Variants in TDRP observed in about 807,000 individuals in gnomAD.
The protein encoded by TDRP is testis development-related protein.
Under a neutral mutation model 10.5 loss-of-function variants are expected in TDRP, and 12 were observed. The observed-to-expected ratio is 1.15, with a 90% CI of 0.73 to 1.86. The LOEUF (loss-of-function observed/expected upper bound fraction) is 1.86. Ranked by LOEUF, TDRP falls within the 40% of genes most tolerant of loss-of-function variation. TDRP has a pLI of 0.00. For missense variants in TDRP, 353 were observed against 229.2 expected, an observed-to-expected ratio of 1.54 and a Z score of -3.49; for synonymous variants, 139 against 95.4, an observed-to-expected ratio of 1.46 and a Z score of -2.67.
chr8:524,321 A>C (rs931075094), intron 1 of TDRP, among the ~76,000 whole-genome samples: 2 of 152,196 alleles, frequency 1.3e-5, no homozygotes, highest in Admixed American at 1.3e-4. Flanking sequence ...CTTTCCCAAG[A>C]AGGATGGGTA....
chr8:498,633 G>T (rs1249034785), intron 1 of TDRP, among the ~76,000 whole-genome samples: 1 of 152,114 alleles, frequency 6.6e-6, no homozygotes, highest in Non-Finnish European at 1.5e-5. Context: ...AGATTTTGGG[G>T]GATTGTTGGG....
At chr8:501,291 T>G (rs1383058736) in intron 1 of TDRP, among the ~76,000 whole-genome samples, 1 of 152,130 alleles carries the variant, frequency 6.6e-6, no homozygotes, top group East Asian at 1.9e-4. Flanking sequence ...ACCAGTTCAG[T>G]CCAGAGTCCA....
At chr8:529,580 G>GT (rs35378683) in intron 1 of TDRP, among the ~76,000 whole-genome samples, 3 of 151,516 alleles carry the variant, frequency 2.0e-5, no homozygotes, top group African/African-American at 7.3e-5. Flanking sequence ...TTTGGCTTTG[G>GT]TTATCTGGGA....
At chr8:505,991 G>T (rs558630830) in intron 1 of TDRP, among the ~76,000 whole-genome samples, 2 of 152,242 alleles carry the variant, frequency 1.3e-5, no homozygotes, top group South Asian at 2.1e-4. Context: ...GGAAATGTGG[G>T]CATGGACATC....
intron 1 of TDRP, among the ~76,000 whole-genome samples, chr8:525,422 A>G (rs751649976): frequency 3.3e-5 from 5 of 152,152 alleles, no homozygotes; most frequent in Non-Finnish European, 5.9e-5. Context: ...ATATTATAAC[A>G]CTGTATTATA....
chr8:501,422 C>G (rs1280612127), intron 1 of TDRP, among the ~76,000 whole-genome samples: 1 of 151,870 alleles, frequency 6.6e-6, no homozygotes, highest in Non-Finnish European at 1.5e-5. Flanking sequence ...TCTTGGCTCA[C>G]TGCAACATCC....
chr8:539,351 C>T (rs1272018636), intron 1 of TDRP, among the ~76,000 whole-genome samples: 1 of 152,138 alleles, frequency 6.6e-6, no homozygotes, highest in Non-Finnish European at 1.5e-5. Flanking sequence ...CAGCCCCTCA[C>T]CAAGAACGAA....
intron 1 of TDRP, among the ~76,000 whole-genome samples, chr8:501,002 C>A (rs370678243): frequency 4.2e-4 from 64 of 152,076 alleles, no homozygotes; most frequent in Non-Finnish European, 7.5e-4. Flanking sequence ...GTCAGGAGAT[C>A]GAGACCATCC....
chr8:498,057 A>G (rs1200934261), intron 1 of TDRP, among the ~76,000 whole-genome samples: 1 of 152,186 alleles, frequency 6.6e-6, no homozygotes, highest in African/African-American at 2.4e-5. Context: ...AGAGCCCTCA[A>G]GAAGAACCTC....
At chr8:493,932 G>T (rs1292726094) in intron 2 of TDRP, among the ~76,000 whole-genome samples, 1 of 150,354 alleles carries the variant, frequency 6.7e-6, no homozygotes, top group Non-Finnish European at 1.5e-5. Flanking sequence ...AGACCCTCAG[G>T]ACCTTTTATC....
intron 1 of TDRP, among the ~76,000 whole-genome samples, chr8:516,615 G>C (rs774549620): frequency 6.6e-6 from 1 of 152,126 alleles, no homozygotes; most frequent in Non-Finnish European, 1.5e-5. Flanking sequence ...CCAGATGCTG[G>C]CAAGGACATG....
rs551312162 is a variant in TDRP, at chr8:521,395, C to T, written c.108+23255G>A. ...TCACACCACTGCACTCCAGCCTGGG[C>T]AAGAGAGAGAGATGCCGTCCCAAAA... On this transcript the variant is annotated intron_variant, in intron 1 of 2. Transcript: ENST00000324079. Among the ~76,000 whole-genome samples, 9 of 99,118 alleles carry T rather than the reference C, an allele frequency of 9.1e-5. No homozygotes were observed. The South Asian group carries it at 3.3e-3, about 36-fold the overall frequency. The allele number at this position is 99,118 out of a possible 152,430, so 65.0% of individuals were successfully genotyped here. A position where few individuals can be genotyped will look rare whatever the true frequency, so the allele number is the denominator to read the frequency against.
intron 1 of TDRP, among the ~76,000 whole-genome samples, chr8:537,781 C>G (rs1316917444): frequency 1.3e-5 from 2 of 152,154 alleles, no homozygotes; most frequent in East Asian, 3.9e-4. Flanking sequence ...TCACCTGACT[C>G]CAAGTTGCAA....
At chr8:521,396 A>G (rs1282829601) in intron 1 of TDRP, among the ~76,000 whole-genome samples, 1 of 151,058 alleles carries the variant, frequency 6.6e-6, no homozygotes, top group Non-Finnish European at 1.5e-5. Flanking sequence ...CAGCCTGGGC[A>G]AGAGAGAGAG....
At position 494,528 on chromosome 8, in the gene TDRP, G is replaced by A; in HGVS notation, c.178C>T (p.Leu60Phe). 1 of 1,613,940 alleles carries A rather than the reference G, an allele frequency of 6.2e-7. No individual in the cohort carries two copies. The highest frequency in any genetic ancestry group is 1.3e-5 in the African/African-American group (1 of 75,028). ...TTGGGAGATTTACATCTTTCCAGGA[G>A]ATGCTGCTCATCATCTTTGTTAAAC... ...SLFNKDDEQH[L>F]LERCKSPKSK... The change falls in exon 2 of 3, where the codon CTC becomes TTC. Residue 60 changes from leucine to phenylalanine, a missense_variant. Transcript: ENST00000324079.
At chr8:534,963 G>A (rs1294398125) in intron 1 of TDRP, among the ~76,000 whole-genome samples, 3 of 152,188 alleles carry the variant, frequency 2.0e-5, no homozygotes, top group Non-Finnish European at 2.9e-5. Flanking sequence ...GACTAAAAAC[G>A]ACACAACGCA....
In TDRP at chr8:491,678, CAAA is replaced by C; in HGVS notation, c.*718_*720del. On this transcript the variant is annotated 3_prime_UTR_variant, in exon 3 of 3. Coordinates refer to ENST00000324079, the MANE Select transcript of TDRP (RefSeq NM_001384899.1). ...GATCCATACTTCTTTAATCTGTAAACAAAAAAGAGAGCAAATGTTTTAAGAAAA... is the reference window on the plus strand; with the variant it reads ...GATCCATACTTCTTTAATCTGTAAACAAAGAGAGCAAATGTTTTAAGAAAA... The C allele has an allele frequency of 1.3e-6, 2 of 1,499,072 alleles. No homozygotes were observed. The highest frequency in any genetic ancestry group is 8.8e-7 in the Non-Finnish European group (1 of 1,135,570). The allele number at this position is 1,499,072 out of a possible 1,614,324, so 92.9% of individuals were successfully genotyped here. A position where few individuals can be genotyped will look rare whatever the true frequency, so the allele number is the denominator to read the frequency against.
At chr8:500,146 T>G (rs753479526) in intron 1 of TDRP, among the ~76,000 whole-genome samples, 1 of 152,220 alleles carries the variant, frequency 6.6e-6, no homozygotes, top group Admixed American at 6.5e-5. Flanking sequence ...AATGAGAAAG[T>G]AAGTTCCTGC....
At position 533,356 on chromosome 8, in the gene TDRP, G is replaced by C. The variant is rs534024703; in HGVS notation, c.108+11294C>G. The stretch of plus-strand genomic sequence containing the variant: ...CAGGCCACCCCAGGGAGTTCCTTGC[G>C]ACTGTCAGGGCACGCCCTTCTCCTG... On this transcript the variant is annotated intron_variant, in intron 1 of 2. Transcript: ENST00000324079. Among the ~76,000 whole-genome samples the C allele has an allele frequency of 1.7e-4, 26 of 152,236 alleles. No homozygotes were observed. In the South Asian group the frequency reaches 2.1e-3, roughly 12 times the overall value.
Sources: gnomAD v4.1 joint callset for allele counts (sites outside exome capture counted in the v4.1 genomes callset) on GRCh38, gnomAD v4.1.1 for gene constraint, MANE v1.5 for transcripts, NCBI Gene and HGNC (gene_info 2026-07-23, HGNC 2026-07-21) for gene names.